The following DIP2C variants were observed in gnomAD, a reference collection of about 807,000 sequenced individuals.
The protein encoded by DIP2C is disco-interacting protein 2 homolog C.
A neutral mutation model predicts 192.4 loss-of-function variants in DIP2C; 33 were observed. That is an observed-to-expected ratio of 0.17 (90% CI 0.13 to 0.23). The LOEUF (loss-of-function observed/expected upper bound fraction) is 0.23. DIP2C is among the 10% of genes least tolerant of loss of function. The probability of loss-of-function intolerance (pLI) is 1.00; values close to 1 mark genes in which losing one functional copy is unlikely to be tolerated. For synonymous variants in DIP2C, 979 were observed against 864.1 expected (o/e 1.13, Z -2.33); for missense variants, 1,537 against 2,110.1 (o/e 0.73, Z 5.32).
At chr10:452,638 C>T (rs1239135340) in intron 3 of DIP2C, among the ~76,000 whole-genome samples, 5 of 152,320 alleles carry the variant, frequency 3.3e-5, no homozygotes, top group African/African-American at 1.2e-4. Context: ...TAGAGGGAAG[C>T]GAAGCAACCA....
intron 1 of DIP2C, among the ~76,000 whole-genome samples, chr10:598,566 T>A (rs924176438): frequency 3.3e-5 from 5 of 150,596 alleles, no homozygotes; most frequent in Admixed American, 1.3e-4. Flanking sequence ...TCCTCTTCCC[T>A]CTGCTCCTCA....
intron 4 of DIP2C, among the ~76,000 whole-genome samples, chr10:425,498 G>A (rs1324280912): frequency 1.5e-5 from 2 of 137,082 alleles, no homozygotes; most frequent in East Asian, 4.8e-4. Flanking sequence ...AGCATGACCA[G>A]CGGTGACTAA....
chr10:337,440 TTGTG>T (rs1275170175), intron 29 of DIP2C, among the ~76,000 whole-genome samples: 2 of 105,528 alleles, frequency 1.9e-5, no homozygotes, highest in Non-Finnish European at 4.0e-5. Flanking sequence ...CCTAGGCTGA[TTGTG>T]TGTGCGTGTG....
At chr10:413,077 T>TC (rs1231127820) in intron 8 of DIP2C, among the ~76,000 whole-genome samples, 1 of 152,124 alleles carries the variant, frequency 6.6e-6, no homozygotes, top group African/African-American at 2.4e-5. Flanking sequence ...CTCGACCTCC[T>TC]CCTCCTGCCT....
chr10:336,720 G>A (rs1424951594), intron 29 of DIP2C, among the ~76,000 whole-genome samples: 1 of 152,124 alleles, frequency 6.6e-6, no homozygotes, highest in Non-Finnish European at 1.5e-5. Flanking sequence ...TGTTATCCTA[G>A]GAGATCATGG....
Position 345,080 on chromosome 10 carries a change from G to A in DIP2C, c.3262C>T (p.Gln1088Ter). 1 of 1,613,384 alleles carries A rather than the reference G, an allele frequency of 6.2e-7. No individual in the cohort carries two copies. Among genetic ancestry groups the A allele is most frequent in the Non-Finnish European group, 8.5e-7 (1 of 1,179,942 alleles). The change falls in exon 27 of 37, where the codon CAG becomes TAG. Residue 1088 changes from glutamine (Q) to a stop codon, truncating the protein, a stop_gained. Transcript: ENST00000280886. LOFTEE classifies it high-confidence loss of function. The stretch of plus-strand genomic sequence containing the variant: ...GACCGCAGCAACTTACAGATCAGCT[G>A]TGTCGTCATCAGACAGGCAGAGCGA... Reference protein sequence around the residue: ...VSRSACLMTTQLICKLLRSRE... With the variant: ...VSRSACLMTT
chr10:620,920 G>A (rs546034745), intron 1 of DIP2C, among the ~76,000 whole-genome samples: 7 of 152,270 alleles, frequency 4.6e-5, no homozygotes, highest in African/African-American at 1.4e-4. Flanking sequence ...AGTATCTAAC[G>A]GCTTAACCAC....
chr10:490,735 T>G (rs188103689), intron 1 of DIP2C, among the ~76,000 whole-genome samples: 1 of 152,210 alleles, frequency 6.6e-6, no homozygotes, highest in African/African-American at 2.4e-5. Flanking sequence ...AAGTGATCTC[T>G]TTAGAAACAT....
At chr10:542,393 C>A (rs1420112353) in intron 1 of DIP2C, among the ~76,000 whole-genome samples, 1 of 152,206 alleles carries the variant, frequency 6.6e-6, no homozygotes, top group Non-Finnish European at 1.5e-5. Context: ...TCCTCCAGTG[C>A]TGCTACTTCC....
At chr10:605,164 A>C (rs1013376408) in intron 1 of DIP2C, among the ~76,000 whole-genome samples, 1 of 152,132 alleles carries the variant, frequency 6.6e-6, no homozygotes, top group Non-Finnish European at 1.5e-5. Flanking sequence ...TGATGCAGAG[A>C]GCTGGTCACT....
intron 4 of DIP2C, among the ~76,000 whole-genome samples, chr10:440,005 C>T (rs1015301469): frequency 6.6e-6 from 1 of 152,168 alleles, no homozygotes; most frequent in Non-Finnish European, 1.5e-5. Context: ...ATGTTGGAAT[C>T]AAAATCACAG....
At chr10:599,067 T>TC (rs1336782991) in intron 1 of DIP2C, among the ~76,000 whole-genome samples, 1 of 152,058 alleles carries the variant, frequency 6.6e-6, no homozygotes, top group Non-Finnish European at 1.5e-5. Context: ...AAGGAGTCAG[T>TC]CCCTCACAAA....
Position 390,304 on chromosome 10 carries a change from G to T in DIP2C, c.1454C>A (p.Pro485Gln). The change falls in exon 12 of 37, where the codon CCA becomes CAA. Residue 485 changes from proline (P) to glutamine (Q), a missense_variant. Transcript: ENST00000280886. Reference sequence around the variant, plus strand: ...GTCGTTATTGGCATCTTTAATGTGTGGGAACCAGTCTCGGGGCGGTTTGGA... The same window carrying T: ...GTCGTTATTGGCATCTTTAATGTGTTGGAACCAGTCTCGGGGCGGTTTGGA... The part of the protein sequence containing the change: ...HLSKPPRDWF[P>Q]HIKDANNDTA... The T allele has an allele frequency of 6.2e-7, 1 of 1,613,942 alleles. No homozygotes were observed. The highest frequency in any genetic ancestry group is 1.1e-5 in the South Asian group (1 of 91,052).
Position 651,023 on chromosome 10 carries a change from G to A in DIP2C, c.85+38471C>T, listed in dbSNP as rs1031114105. 1.5e-5 allele frequency: 11 copies of A among 717,090 alleles called. No individual in the cohort carries two copies. Among genetic ancestry groups the A allele is most frequent in the Non-Finnish European group, 2.3e-5 (9 of 385,024 alleles). The allele number at this position is 717,090 out of a possible 1,614,324, so 44.4% of individuals were successfully genotyped here. ...TGCCAGGGCTCAGGCCCCAGCCCCCGTTTCTGCAGAAGCCCCTTTCCATCC... is the reference window on the plus strand; with the variant it reads ...TGCCAGGGCTCAGGCCCCAGCCCCCATTTCTGCAGAAGCCCCTTTCCATCC... On this transcript the variant is annotated intron_variant, in intron 1 of 36. Transcript: ENST00000280886. This position sits in a 1 kb window ranked among gnomAD's most constrained non-coding sequence, Gnocchi z 4.1.
At chr10:463,194 G>C (rs1320184516) in intron 3 of DIP2C, among the ~76,000 whole-genome samples, 1 of 152,194 alleles carries the variant, frequency 6.6e-6, no homozygotes, top group African/African-American at 2.4e-5. Flanking sequence ...CAAATAGGAA[G>C]AGAGAAAGTC....
chr10:600,428 A>G (rs112717359), intron 1 of DIP2C, among the ~76,000 whole-genome samples: 45 of 130,008 alleles, frequency 3.5e-4, no homozygotes, highest in African/African-American at 1.3e-3. Context: ...CGGCCACGAC[A>G]GCCCAGGGTG....
At chr10:297,017 C>A (rs190924841) in intron 32 of DIP2C, among the ~76,000 whole-genome samples, 4 of 151,646 alleles carry the variant, frequency 2.6e-5, no homozygotes, top group African/African-American at 4.9e-5. Context: ...TGCACATGTA[C>A]CCTAGAACTT....
chr10:390,938 C>T (rs1322925179), intron 10 of DIP2C, 75 bp from the exon 11 acceptor site: 40 of 1,572,994 alleles, frequency 2.5e-5, no homozygotes, highest in East Asian at 9.0e-5. Flanking sequence ...CTCCCTCCAG[C>T]GTTCACACAG....
intron 5 of DIP2C, among the ~76,000 whole-genome samples, chr10:421,064 T>G (rs1329369816): frequency 6.6e-6 from 1 of 152,262 alleles, no homozygotes; most frequent in East Asian, 1.9e-4. Flanking sequence ...TTTCCTTTTC[T>G]GATTAAGTTT....
Sources: gnomAD v4.1 joint callset for allele counts (sites outside exome capture counted in the v4.1 genomes callset) on GRCh38, gnomAD v4.1.1 for gene constraint, Gnocchi (gnomAD v3.1) non-coding constraint, MANE v1.5 for transcripts, NCBI Gene and HGNC (gene_info 2026-07-23, HGNC 2026-07-21) for gene names.